Variants in GRM5 observed in about 807,000 individuals in gnomAD.
The protein encoded by GRM5 is glutamate metabotropic receptor 5.
In GRM5, 19 loss-of-function variants were observed where a neutral mutation model predicts 83.1. That is an observed-to-expected ratio of 0.23 (90% CI 0.16 to 0.34). The LOEUF is 0.34. Ranked by LOEUF, GRM5 falls within the 10% of genes least tolerant of loss-of-function variation. GRM5 has a pLI of 1.00. For synonymous variants in GRM5, 675 were observed against 633.6 expected (o/e 1.07, Z -0.98); for missense variants, 1,160 against 1,588.3 (o/e 0.73, Z 4.58).
intron 4 of GRM5, among the ~76,000 whole-genome samples, chr11:88,640,093 C>T (rs1018407295): frequency 1.1e-4 from 17 of 152,080 alleles, no homozygotes; most frequent in Non-Finnish European, 1.8e-4. Context: ...CTGACTCCAA[C>T]GTGGACAAAC....
At chr11:88,992,965 T>G (rs1940034431) in intron 2 of GRM5, among the ~76,000 whole-genome samples, 2 of 151,696 alleles carry the variant, frequency 1.3e-5, no homozygotes, top group African/African-American at 4.9e-5. Context: ...TGTATACATA[T>G]GTAACAAACC....
chr11:88,946,725 C>T (rs1938294532), intron 2 of GRM5, among the ~76,000 whole-genome samples: 1 of 152,074 alleles, frequency 6.6e-6, no homozygotes, highest in Non-Finnish European at 1.5e-5. Context: ...TGGATCTGTC[C>T]ATGCAAAGTA....
intron 3 of GRM5, among the ~76,000 whole-genome samples, chr11:88,743,711 TGGA>T (rs1230926660): frequency 6.6e-6 from 1 of 152,154 alleles, no homozygotes; most frequent in Non-Finnish European, 1.5e-5. Context: ...ACAGCCTGGC[TGGA>T]GGAGATTTGA....
chr11:88,566,928 C>T (rs1417888001), intron 8 of GRM5, 125 bp downstream of exon 8: 3 of 639,308 alleles, frequency 4.7e-6, no homozygotes, highest in Non-Finnish European at 8.2e-6. Flanking sequence ...AGGTCCATGC[C>T]GTAAGTCACC....
At chr11:88,753,596 C>T (rs1025698978) in intron 3 of GRM5, among the ~76,000 whole-genome samples, 3 of 152,002 alleles carry the variant, frequency 2.0e-5, no homozygotes, top group African/African-American at 7.2e-5. Context: ...GAATATAAAC[C>T]ATTATATTAT....
intron 2 of GRM5, among the ~76,000 whole-genome samples, chr11:88,889,963 G>A (rs1260251709): frequency 1.3e-5 from 2 of 152,144 alleles, no homozygotes; most frequent in Admixed American, 1.3e-4. Flanking sequence ...TGTGTGTTCT[G>A]ACCATTTTGA....
chr11:88,782,004 TG>T (rs1195321663), intron 3 of GRM5, among the ~76,000 whole-genome samples: 209 of 152,278 alleles, frequency 1.4e-3, no homozygotes, highest in African/African-American at 4.6e-3. Flanking sequence ...ATTTATTCAT[TG>T]AAAAGTATTG....
At chr11:88,906,961 G>A (rs1945414530) in intron 2 of GRM5, among the ~76,000 whole-genome samples, 2 of 151,992 alleles carry the variant, frequency 1.3e-5, no homozygotes, top group Admixed American at 1.3e-4. Flanking sequence ...CTAGTAACAG[G>A]TTATATTTTG....
At chr11:88,703,788 G>A (rs375825040) in intron 3 of GRM5, among the ~76,000 whole-genome samples, 41 of 152,132 alleles carry the variant, frequency 2.7e-4, no homozygotes, top group Admixed American at 5.2e-4. Flanking sequence ...AATGCAGTAC[G>A]ACAATACAAG....
At chr11:89,019,207 TG>T (rs1591052740) in intron 2 of GRM5, among the ~76,000 whole-genome samples, 2 of 152,180 alleles carry the variant, frequency 1.3e-5, no homozygotes, top group South Asian at 2.1e-4. Context: ...CAGATTACAT[TG>T]GGGTTGTATG....
chr11:88,860,358 C>T (rs1453392423), intron 2 of GRM5, among the ~76,000 whole-genome samples: 1 of 152,102 alleles, frequency 6.6e-6, no homozygotes, highest in Non-Finnish European at 1.5e-5. Flanking sequence ...GACTTCGGTG[C>T]ATGTCTCATT....
intron 3 of GRM5, among the ~76,000 whole-genome samples, 186 bp from the exon 4 acceptor site, chr11:88,653,589 G>A (rs1443406980): frequency 6.6e-6 from 1 of 151,950 alleles, no homozygotes; most frequent in African/African-American, 2.4e-5. Context: ...TAACACCATG[G>A]AAATTTTGGG....
chr11:88,611,911 G>T (rs1000320519), intron 4 of GRM5, among the ~76,000 whole-genome samples: 2 of 151,182 alleles, frequency 1.3e-5, no homozygotes, highest in Non-Finnish European at 1.5e-5. Flanking sequence ...CACAGATTTT[G>T]GTATGTTATG....
intron 2 of GRM5, among the ~76,000 whole-genome samples, chr11:88,953,624 G>A (rs1295375816): frequency 6.6e-6 from 1 of 152,156 alleles, no homozygotes; most frequent in East Asian, 1.9e-4. Flanking sequence ...AGTGCTCCAT[G>A]GGGCGCTGTG....
intron 2 of GRM5, among the ~76,000 whole-genome samples, chr11:88,974,374 G>GAGATATATAGAT (rs1555051732): frequency 6.8e-6 from 1 of 147,710 alleles, no homozygotes; most frequent in Non-Finnish European, 1.5e-5. Context: ...CCTGGCAATA[G>GAGATATATAGAT]AGATAGATAG....
chr11:88,745,376 T>C (rs1321686001), intron 3 of GRM5, among the ~76,000 whole-genome samples: 3 of 87,178 alleles, frequency 3.4e-5, no homozygotes, highest in East Asian at 1.2e-3. Context: ...CTAGCTAATA[T>C]TGTATTTTTT....
In GRM5 at chr11:88,571,827, T is replaced by C. The variant is rs59086382; in HGVS notation, c.1691-3835A>G. Among the ~76,000 whole-genome samples, 472 of 152,180 alleles carry C rather than the reference T, an allele frequency of 3.1e-3. 4 individuals are homozygous for C. The highest frequency in any genetic ancestry group is 0.011 in the African/African-American group (454 of 41,520). On this transcript the variant is annotated intron_variant, in intron 7 of 9. Coordinates refer to ENST00000305447, the MANE Select transcript of GRM5 (RefSeq NM_001143831.3). ...CTGGTGGTGGTGTGGGGAGATAGATTGAAAAGGCAGGAGGCTGTGATGGCA... is the reference window on the plus strand; with the variant it reads ...CTGGTGGTGGTGTGGGGAGATAGATCGAAAAGGCAGGAGGCTGTGATGGCA...
intron 2 of GRM5, among the ~76,000 whole-genome samples, chr11:88,878,797 A>C (rs1405505032): frequency 2.0e-5 from 3 of 152,216 alleles, no homozygotes; most frequent in Non-Finnish European, 2.9e-5. Flanking sequence ...GCTTGGAAAA[A>C]TTCCAAATGT....
chr11:88,834,425 A>G (rs539487831), intron 3 of GRM5, among the ~76,000 whole-genome samples: 1 of 152,212 alleles, frequency 6.6e-6, no homozygotes, highest in African/African-American at 2.4e-5. Flanking sequence ...TTGCTAAGCT[A>G]TTAGAAAACA....
Sources: allele counts gnomAD v4.1 joint callset (sites outside exome capture counted in the v4.1 genomes callset), GRCh38; gene constraint gnomAD v4.1.1; transcripts MANE v1.5; gene names NCBI Gene and HGNC (gene_info 2026-07-23, HGNC 2026-07-21).